THSD4: variants seen among roughly 807,000 people sequenced by gnomAD.
THSD4 encodes the protein thrombospondin type-1 domain-containing protein 4.
In THSD4, 69 loss-of-function variants were observed where a neutral mutation model predicts 119.0. That is an observed-to-expected ratio of 0.58 (90% CI 0.48 to 0.71). The LOEUF (loss-of-function observed/expected upper bound fraction) is 0.71, where lower values mean the gene tolerates loss of function less well. Ranked by LOEUF, THSD4 falls within the 30% of genes least tolerant of loss-of-function variation. The pLI is 0.00. For synonymous variants in THSD4, 524 were observed against 540.4 expected, an observed-to-expected ratio of 0.97 and a Z score of 0.42; for missense variants, 1,393 against 1,391.1, an observed-to-expected ratio of 1.00 and a Z score of -0.02.
At chr15:71,289,232 C>T (rs1015423242) in intron 6 of THSD4, among the ~76,000 whole-genome samples, 19 of 152,142 alleles carry the variant, frequency 1.2e-4, no homozygotes, top group Admixed American at 5.2e-4. Flanking sequence ...CCCAGGACCC[C>T]ATGGATGCTC....
chr15:71,586,931 C>T (rs1270669370), intron 7 of THSD4, among the ~76,000 whole-genome samples: 2 of 152,204 alleles, frequency 1.3e-5, no homozygotes, highest in African/African-American at 4.8e-5. Context: ...ATATAAAATG[C>T]ACATAGGAAT....
intron 1 of THSD4, among the ~76,000 whole-genome samples, chr15:71,105,365 G>A (rs766261857): frequency 1.3e-5 from 2 of 152,186 alleles, no homozygotes; most frequent in Admixed American, 6.5e-5. Flanking sequence ...AAGCATAGGA[G>A]CTTTTGTCCC....
At chr15:71,542,583 A>G (rs1051290089) in intron 7 of THSD4, among the ~76,000 whole-genome samples, 2 of 152,138 alleles carry the variant, frequency 1.3e-5, no homozygotes, top group African/African-American at 2.4e-5. Flanking sequence ...AAACGTTAGA[A>G]AAAAACAAAT....
In THSD4 at chr15:71,532,866, A is replaced by G. The variant is rs147740522; in HGVS notation, c.1152+121043A>G. ...GTTGAAGACCCTTGGAAGAAAACCA[A>G]TGAGTTGGTTGGCTCTGTCATTTTC... On this transcript the variant is annotated intron_variant, in intron 7 of 17. Coordinates refer to ENST00000261862, the MANE Select transcript of THSD4 (RefSeq NM_024817.3). 3.2e-3 allele frequency among the ~76,000 whole-genome samples: 482 copies of G among 152,336 alleles called. 5 individuals carry two copies. Among genetic ancestry groups the G allele is most frequent in the African/African-American group, 0.011 (437 of 41,580 alleles).
At chr15:71,705,456 G>T (rs74744688) in intron 8 of THSD4, among the ~76,000 whole-genome samples, 3 of 152,076 alleles carry the variant, frequency 2.0e-5, no homozygotes, top group African/African-American at 7.2e-5. Context: ...CTCTAACCCC[G>T]AGCAGCTTAT....
chr15:71,369,574 T>C (rs1446942577), intron 6 of THSD4, among the ~76,000 whole-genome samples: 3 of 152,224 alleles, frequency 2.0e-5, no homozygotes, highest in African/African-American at 7.2e-5. Context: ...GTTTATATGC[T>C]GGATTATGTT....
At chr15:71,229,824 A>G (rs1043921115) in intron 4 of THSD4, among the ~76,000 whole-genome samples, 8 of 152,232 alleles carry the variant, frequency 5.3e-5, no homozygotes, top group Non-Finnish European at 1.2e-4. Context: ...ATCATGATTG[A>G]TAATTATGCT....
At chr15:71,708,704 T>C (rs1453270669) in intron 8 of THSD4, among the ~76,000 whole-genome samples, 3 of 152,190 alleles carry the variant, frequency 2.0e-5, no homozygotes, top group Non-Finnish European at 4.4e-5. Context: ...GGAGTGTCTT[T>C]TGGTGTTTTG....
intron 7 of THSD4, among the ~76,000 whole-genome samples, chr15:71,517,341 G>A (rs2048375739): frequency 6.6e-6 from 1 of 152,076 alleles, no homozygotes; most frequent in African/African-American, 2.4e-5. Flanking sequence ...TCTCTTCAGT[G>A]TGTGTCTGTG....
intron 8 of THSD4, among the ~76,000 whole-genome samples, chr15:71,671,837 G>A (rs530355069): frequency 5.3e-5 from 8 of 152,230 alleles, no homozygotes; most frequent in Admixed American, 3.3e-4. Context: ...TGATCCATTG[G>A]TTTATATCTC....
At chr15:71,246,262 G>T (rs780724954) in intron 5 of THSD4, among the ~76,000 whole-genome samples, 4 of 152,090 alleles carry the variant, frequency 2.6e-5, no homozygotes, top group Non-Finnish European at 5.9e-5. Context: ...CTGACACATT[G>T]TTGGGAAATA....
intron 7 of THSD4, among the ~76,000 whole-genome samples, chr15:71,628,805 C>T (rs1020950213): frequency 9.2e-5 from 14 of 152,276 alleles, no homozygotes; most frequent in Admixed American, 3.3e-4. Flanking sequence ...GTTTGGGAAG[C>T]CCCCACCTTG....
intron 6 of THSD4, 125 bp from the exon 7 acceptor site, chr15:71,411,561 CT>C: frequency 9.3e-7 from 1 of 1,070,146 alleles, no homozygotes. Context: ...GGTTAAAATG[CT>C]TAATTTTGTG....
intron 4 of THSD4, among the ~76,000 whole-genome samples, chr15:71,234,046 C>T (rs1392822889): frequency 6.6e-6 from 1 of 152,192 alleles, no homozygotes; most frequent in African/African-American, 2.4e-5. Flanking sequence ...GAAATCTCTG[C>T]ATGTACCCTC....
intron 7 of THSD4, among the ~76,000 whole-genome samples, chr15:71,481,041 T>TGAAA (rs2047723138): frequency 6.6e-6 from 1 of 152,202 alleles, no homozygotes; most frequent in Non-Finnish European, 1.5e-5. Flanking sequence ...TTGTTAGACT[T>TGAAA]GTTTAAAAAC....
intron 6 of THSD4, among the ~76,000 whole-genome samples, chr15:71,395,387 G>C (rs2140475512): frequency 6.6e-6 from 1 of 152,268 alleles, no homozygotes; most frequent in East Asian, 1.9e-4. Flanking sequence ...TGCTAAGCAT[G>C]GCAGCTCACA....
rs550398797 is a variant in THSD4 at position 71,686,418 on chromosome 15, G to A, written c.1357+25684G>A. Among the ~76,000 whole-genome samples, 190 of 152,302 alleles carry A rather than the reference G, an allele frequency of 1.2e-3. 2 individuals carry two copies. Among genetic ancestry groups the A allele is most frequent in the African/African-American group, 4.4e-3 (182 of 41,574 alleles). ...CTGTCTACTGAATCAGGGCTATACA[G>A]TTTATACCAGACAAAAAAGGACAGC... On this transcript the variant is annotated intron_variant, in intron 8 of 17. Transcript: ENST00000261862.
chr15:71,098,773 A>G lies in THSD4; in HGVS notation c.-80+1767A>G, dbSNP rs1379976950. 2.6e-5 allele frequency among the ~76,000 whole-genome samples: 4 copies of G among 152,178 alleles called. No homozygotes were observed. In the East Asian group the frequency reaches 7.7e-4, roughly 29 times the overall value. On this transcript the variant is annotated intron_variant, in intron 1 of 17. Coordinates refer to the THSD4 transcript ENST00000355327. ...CAGAAGTGGAAGAAAACATGTAGAG[A>G]CTCAATAAGAATACAAGTTAAGTTA...
chr15:71,606,820 G>A lies in THSD4; in HGVS notation c.1153-53710G>A, dbSNP rs576797788. ...CTCCCAGAGTGCTGGGATTACAGGC[G>A]TGAGCCACCATGCCCAGCCTCAAAT... On this transcript the variant is annotated intron_variant, in intron 7 of 17. Coordinates refer to ENST00000261862, the MANE Select transcript of THSD4 (RefSeq NM_024817.3). Among the ~76,000 whole-genome samples the A allele has an allele frequency of 1.6e-4, 25 of 152,292 alleles. 2 individuals carry two copies. The highest frequency in any genetic ancestry group is 1.0e-3 in the South Asian group (5 of 4,828).
Sources: gnomAD v4.1 joint callset for allele counts (sites outside exome capture counted in the v4.1 genomes callset) on GRCh38, gnomAD v4.1.1 for gene constraint, MANE v1.5 for transcripts, NCBI Gene and HGNC (gene_info 2026-07-23, HGNC 2026-07-21) for gene names.